PKP4: variants seen among roughly 807,000 people sequenced by gnomAD.
The protein encoded by PKP4 is plakophilin 4.
PKP4 carries 90 observed loss-of-function variants against 145.1 expected under a neutral mutation model. That is an observed-to-expected ratio of 0.62 (90% confidence interval 0.52 to 0.74). PKP4 has a LOEUF of 0.74. PKP4 is among the 30% of genes least tolerant of loss of function. The probability of loss-of-function intolerance (pLI) is 0.00; values close to 1 mark genes in which losing one functional copy is unlikely to be tolerated. For missense variants in PKP4, 1,340 were observed against 1,482.7 expected (o/e 0.90, Z 1.58); for synonymous variants, 563 against 577.2 (o/e 0.98, Z 0.35).
At chr2:158,619,901 G>A (rs1165835329) in intron 4 of PKP4, among the ~76,000 whole-genome samples, 3 of 152,008 alleles carry the variant, frequency 2.0e-5, no homozygotes, top group Admixed American at 2.0e-4. Context: ...ACTTCCTTTA[G>A]GAAGATTTTC....
chr2:158,473,449 A>G (rs1395010858), intron 1 of PKP4, among the ~76,000 whole-genome samples: 1 of 152,234 alleles, frequency 6.6e-6, no homozygotes, highest in East Asian at 1.9e-4. Context: ...AAAATGTGGT[A>G]CATATACACC....
chr2:158,511,067 G>A (rs969630840), intron 1 of PKP4, among the ~76,000 whole-genome samples: 4 of 152,202 alleles, frequency 2.6e-5, no homozygotes, highest in African/African-American at 9.6e-5. Context: ...AGCTGGGCAG[G>A]AGGGAGCATG....
At chr2:158,611,397 ATT>A (rs1341324662) in intron 4 of PKP4, among the ~76,000 whole-genome samples, 3 of 152,218 alleles carry the variant, frequency 2.0e-5, no homozygotes, top group Non-Finnish European at 4.4e-5. Flanking sequence ...ATGTATTTAA[ATT>A]TTGTTTCTAA....
chr2:158,668,168 C>CTT (rs779923239), intron 16 of PKP4, among the ~76,000 whole-genome samples: 43 of 135,924 alleles, frequency 3.2e-4, no homozygotes, highest in African/African-American at 9.7e-4. Context: ...CAGTGATGAG[C>CTT]TTTTTTTTTT....
intron 9 of PKP4, among the ~76,000 whole-genome samples, chr2:158,637,491 C>T (rs2053906380): frequency 2.0e-5 from 3 of 152,174 alleles, no homozygotes; most frequent in Admixed American, 2.0e-4. Context: ...CAGTACTCTG[C>T]CTTGCACATT....
At chr2:158,668,591 A>G (rs2057314657) in intron 16 of PKP4, among the ~76,000 whole-genome samples, 1 of 152,216 alleles carries the variant, frequency 6.6e-6, no homozygotes, top group Non-Finnish European at 1.5e-5. Flanking sequence ...CAAAATGACA[A>G]ATTACATGTC....
At chr2:158,674,684 A>C (rs753349884) in intron 19 of PKP4, among the ~76,000 whole-genome samples, 9 of 152,220 alleles carry the variant, frequency 5.9e-5, no homozygotes, top group Non-Finnish European at 1.2e-4. Context: ...ATTCAGACTT[A>C]ATTTTTTTAC....
chr2:158,671,251 T>C (rs2057530433), intron 17 of PKP4, among the ~76,000 whole-genome samples: 1 of 152,204 alleles, frequency 6.6e-6, no homozygotes, highest in Non-Finnish European at 1.5e-5. Context: ...TTCTAAAATA[T>C]AAGAATAATC....
intron 9 of PKP4, among the ~76,000 whole-genome samples, chr2:158,639,097 T>C (rs2054056461): frequency 1.3e-5 from 2 of 152,206 alleles, no homozygotes; most frequent in Admixed American, 1.3e-4. Flanking sequence ...TTAATAGTGC[T>C]TACCTCATGA....
intron 8 of PKP4, among the ~76,000 whole-genome samples, chr2:158,633,307 A>G (rs2105916598): frequency 6.6e-6 from 1 of 152,360 alleles, no homozygotes; most frequent in East Asian, 1.9e-4. Flanking sequence ...AACAATAACA[A>G]AGAATGAAAT....
At chr2:158,547,958 G>A (rs1224623123) in intron 2 of PKP4, among the ~76,000 whole-genome samples, 1 of 152,174 alleles carries the variant, frequency 6.6e-6, no homozygotes, top group Admixed American at 6.5e-5. Flanking sequence ...GCTGAGGCTG[G>A]GTGAAGCTGT....
chr2:158,481,608 G>C (rs1210775297), intron 1 of PKP4, among the ~76,000 whole-genome samples: 1 of 152,156 alleles, frequency 6.6e-6, no homozygotes, highest in Non-Finnish European at 1.5e-5. Flanking sequence ...ATACCTCATA[G>C]TAGTTTTGAT....
chr2:158,629,433 A>G lies in PKP4; in HGVS notation c.1154-2320A>G, dbSNP rs150600279. Among the ~76,000 whole-genome samples the G allele has an allele frequency of 3.3e-3, 504 of 152,276 alleles. 2 individuals carry two copies. The highest frequency in any genetic ancestry group is 0.012 in the African/African-American group (486 of 41,566). Reference sequence around the variant, plus strand: ...TGGACTCTGTTTCCTCGGTTTTGAAATGAGGTTTGGCTGGATAATCTCCCA... The same window carrying G: ...TGGACTCTGTTTCCTCGGTTTTGAAGTGAGGTTTGGCTGGATAATCTCCCA... On this transcript the variant is annotated intron_variant, in intron 7 of 21. Transcript: ENST00000389759.
chr2:158,677,353 G>GTGAT (rs2058092930), intron 20 of PKP4: 1 of 208,930 alleles, frequency 4.8e-6, no homozygotes, highest in South Asian at 8.9e-5. Context: ...AAGGTATAAT[G>GTGAT]TGATTCTTCT....
chr2:158,675,300 A>G (rs1035827821), intron 19 of PKP4, among the ~76,000 whole-genome samples: 1 of 150,120 alleles, frequency 6.7e-6, no homozygotes, highest in Non-Finnish European at 1.5e-5. Flanking sequence ...TTCTTAAAAC[A>G]TTATGAGATT....
At chr2:158,665,694 G>A (rs980421761) in intron 15 of PKP4, among the ~76,000 whole-genome samples, 1 of 152,130 alleles carries the variant, frequency 6.6e-6, no homozygotes, top group African/African-American at 2.4e-5. Flanking sequence ...ATGACTTAGC[G>A]CTCATTTCCA....
intron 21 of PKP4, chr2:158,679,497 T>C (rs2058288328): frequency 6.6e-6 from 1 of 152,224 alleles, no homozygotes; most frequent in Non-Finnish European, 1.5e-5. Flanking sequence ...AAGGAGAATT[T>C]AGCTCTGAAA....
chr2:158,529,891 C>T (rs1368143502), intron 1 of PKP4, among the ~76,000 whole-genome samples: 2 of 152,098 alleles, frequency 1.3e-5, no homozygotes, highest in African/African-American at 2.4e-5. Context: ...CATTGAAGAA[C>T]TTGTATATGA....
At chr2:158,541,734 T>C (rs1353830748) in intron 2 of PKP4, among the ~76,000 whole-genome samples, 1 of 152,184 alleles carries the variant, frequency 6.6e-6, no homozygotes, top group Non-Finnish European at 1.5e-5. Flanking sequence ...ATAGACTGTT[T>C]AGTGTTTTAA....
Sources: gnomAD v4.1 joint callset for allele counts (sites outside exome capture counted in the v4.1 genomes callset) on GRCh38, gnomAD v4.1.1 for gene constraint, MANE v1.5 for transcripts, NCBI Gene and HGNC (gene_info 2026-07-23, HGNC 2026-07-21) for gene names.